XYLT1: variants seen among roughly 807,000 people sequenced by gnomAD.
The protein encoded by XYLT1 is xylosyltransferase 1.
XYLT1 carries 36 observed loss-of-function variants against 91.3 expected under a neutral mutation model. The ratio of observed to expected loss-of-function variants is 0.39; its 90% confidence interval spans 0.30 to 0.52. The LOEUF (loss-of-function observed/expected upper bound fraction) is 0.52. XYLT1 is among the 20% of genes least tolerant of loss of function. The pLI is 0.68. For synonymous variants in XYLT1, 588 were observed against 532.0 expected (o/e 1.11, Z -1.45); for missense variants, 1,242 against 1,284.5 (o/e 0.97, Z 0.51).
intron 11 of XYLT1, among the ~76,000 whole-genome samples, chr16:17,112,537 T>C (rs1966844171): frequency 6.6e-6 from 1 of 152,094 alleles, no homozygotes. Flanking sequence ...CACTGCTTCA[T>C]TCTGACCAAC....
chr16:17,327,044 C>T (rs1326265653), intron 2 of XYLT1, among the ~76,000 whole-genome samples: 1 of 152,158 alleles, frequency 6.6e-6, no homozygotes, highest in African/African-American at 2.4e-5. Flanking sequence ...ATAAAAAATT[C>T]TCAGTTATAC....
Position 17,470,868 on chromosome 16 carries a change from G to C in XYLT1, c.-72C>G. On this transcript the variant is annotated 5_prime_UTR_variant, in exon 1 of 12. Transcript: ENST00000261381. ...CCGGGCCGCCCCCGCGCTCCCCGCA[G>C]CTCCCGCGGCCGCCGGCTGCCGCTC... The C allele has an allele frequency of 2.0e-6, 2 of 980,894 alleles. No individual in the cohort carries two copies. Among genetic ancestry groups the C allele is most frequent in the Non-Finnish European group, 2.4e-6 (2 of 827,792 alleles). 60.8% of individuals were successfully genotyped at this position (980,894 alleles called of 1,614,324 possible).
intron 1 of XYLT1, among the ~76,000 whole-genome samples, chr16:17,443,792 A>T (rs915943028): frequency 2.6e-5 from 4 of 152,200 alleles, no homozygotes; most frequent in Non-Finnish European, 5.9e-5. Flanking sequence ...TCCAGGATCC[A>T]ATCCAAACTG....
chr16:17,140,011 A>G, intron 7 of XYLT1, among the ~76,000 whole-genome samples: 1 of 152,178 alleles, frequency 6.6e-6, no homozygotes, highest in East Asian at 1.9e-4. Flanking sequence ...CGTTCATGAG[A>G]AATGCCATAG....
At chr16:17,245,869 C>T (rs1305963438) in intron 3 of XYLT1, among the ~76,000 whole-genome samples, 1 of 152,216 alleles carries the variant, frequency 6.6e-6, no homozygotes, top group Non-Finnish European at 1.5e-5. Context: ...CCGCGGCTGG[C>T]TATTTCTCAC....
chr16:17,181,912 T>C (rs1035313980), intron 5 of XYLT1, among the ~76,000 whole-genome samples: 9 of 152,120 alleles, frequency 5.9e-5, no homozygotes, highest in African/African-American at 2.2e-4. Flanking sequence ...TTTGTATCCA[T>C]CAGTATGACC....
Position 17,127,760 on chromosome 16 carries a change from C to T in XYLT1, c.2129G>A (p.Ser710Asn), listed in dbSNP as rs1174079303. Reference protein sequence around the residue: ...IKHHATNLAVSKLETLETWVM... With the variant: ...IKHHATNLAVNKLETLETWVM... ...CCAGGTCTCCAGAGTCTCTAGTTTG[C>T]TCACAGCCAGATTGGTAGCATGATG... Residue 710 changes from serine (S) to asparagine (N), a missense_variant, in exon 10 of 12, where the codon AGC becomes AAC. Ser to Asn is a conservative substitution (Grantham distance 46). This residue lies in a region of XYLT1 where 511 missense variants were observed against 497.0 expected (regional missense o/e 1.03). Transcript: ENST00000261381. 2.5e-6 allele frequency: 4 copies of T among 1,614,026 alleles called. No homozygotes were observed. In the Admixed American group the frequency reaches 6.7e-5, roughly 27 times the overall value.
chr16:17,319,752 C>T (rs1237233812), intron 2 of XYLT1, among the ~76,000 whole-genome samples: 1 of 152,164 alleles, frequency 6.6e-6, no homozygotes, highest in Non-Finnish European at 1.5e-5. Flanking sequence ...AGGAACATCT[C>T]ATATCAAGAT....
chr16:17,269,457 G>A (rs964839980), intron 2 of XYLT1, among the ~76,000 whole-genome samples: 4 of 152,124 alleles, frequency 2.6e-5, no homozygotes, highest in Non-Finnish European at 4.4e-5. Flanking sequence ...GATTACAAGC[G>A]TGAGCTACCA....
At chr16:17,378,788 TG>T (rs1215248181) in intron 1 of XYLT1, among the ~76,000 whole-genome samples, 3 of 152,192 alleles carry the variant, frequency 2.0e-5, no homozygotes, top group Non-Finnish European at 4.4e-5. Flanking sequence ...GAGGCTGAGC[TG>T]GGGTTAGAAC....
At chr16:17,151,094 A>T (rs1320556269) in intron 6 of XYLT1, among the ~76,000 whole-genome samples, 1 of 152,232 alleles carries the variant, frequency 6.6e-6, no homozygotes, top group Non-Finnish European at 1.5e-5. Context: ...CTCCGCAGTC[A>T]GCACCCTTAG....
intron 5 of XYLT1, among the ~76,000 whole-genome samples, chr16:17,183,474 C>A (rs769893530): frequency 1.3e-5 from 2 of 152,210 alleles, no homozygotes; most frequent in Non-Finnish European, 2.9e-5. Flanking sequence ...TGCCCCTACT[C>A]CCCGTGATGA....
At chr16:17,249,422 C>G (rs781236619) in intron 3 of XYLT1, among the ~76,000 whole-genome samples, 2 of 152,156 alleles carry the variant, frequency 1.3e-5, no homozygotes, top group East Asian at 3.9e-4. Flanking sequence ...GTGCCAAGCA[C>G]GAGATATTCA....
At chr16:17,365,262 G>T (rs1037522363) in intron 1 of XYLT1, among the ~76,000 whole-genome samples, 26 of 152,032 alleles carry the variant, frequency 1.7e-4, no homozygotes, top group African/African-American at 4.8e-4. Flanking sequence ...TCCTTCTTAG[G>T]GTCTCATTGC....
chr16:17,200,760 C>T, intron 3 of XYLT1, 106 bp from the exon 4 acceptor site: 1 of 1,268,180 alleles, frequency 7.9e-7, no homozygotes, highest in Non-Finnish European at 1.1e-6. Context: ...TTTAGGGGCA[C>T]AGTCATCAAA....
At chr16:17,266,133 G>A (rs2033799637) in intron 2 of XYLT1, among the ~76,000 whole-genome samples, 1 of 152,056 alleles carries the variant, frequency 6.6e-6, no homozygotes, top group South Asian at 2.1e-4. Context: ...CTCTATTATC[G>A]TCTATAGCAG....
intron 2 of XYLT1, among the ~76,000 whole-genome samples, chr16:17,303,264 T>G (rs1466877487): frequency 6.6e-6 from 1 of 152,224 alleles, no homozygotes; most frequent in East Asian, 1.9e-4. Flanking sequence ...AATCCTCTTT[T>G]GCGAACCAAA....
intron 8 of XYLT1, chr16:17,138,148 T>TTAATGAGTCAATGTG: frequency 1.8e-6 from 1 of 541,218 alleles, no homozygotes; most frequent in Non-Finnish European, 3.2e-6. Flanking sequence ...TGTTTTTGGG[T>TTAATGAGTCAATGTG]TAATGAGTCA....
chr16:17,397,449 A>G (rs2035902301), intron 1 of XYLT1, among the ~76,000 whole-genome samples: 1 of 152,170 alleles, frequency 6.6e-6, no homozygotes, highest in African/African-American at 2.4e-5. Context: ...GCTTCTATTA[A>G]AAACTCTGAC....
Sources: allele counts gnomAD v4.1 joint callset (sites outside exome capture counted in the v4.1 genomes callset), GRCh38; gene constraint gnomAD v4.1.1; regional missense constraint gnomAD v4.1.1; transcripts MANE v1.5; gene names NCBI Gene and HGNC (gene_info 2026-07-23, HGNC 2026-07-21).